Variants in TUBA1C observed in about 807,000 individuals in gnomAD.
TUBA1C encodes the protein tubulin alpha-1C chain.
Under a neutral mutation model 34.9 loss-of-function variants are expected in TUBA1C, and 16 were observed. The ratio of observed to expected loss-of-function variants is 0.46; its 90% CI spans 0.31 to 0.70. TUBA1C has a LOEUF of 0.70. TUBA1C is among the 30% of genes least tolerant of loss of function. TUBA1C has a pLI of 0.05. For synonymous variants in TUBA1C, 177 were observed against 215.9 expected (o/e 0.82, Z 1.58); for missense variants, 329 against 587.3 (o/e 0.56, Z 4.55).
chr12:49,237,155 C>T (rs1281638321), intron 1 of TUBA1C, among the ~76,000 whole-genome samples: 1 of 152,178 alleles, frequency 6.6e-6, no homozygotes, highest in Non-Finnish European at 1.5e-5. Flanking sequence ...CATCGTGGCT[C>T]ACACCTGTAG....
intron 1 of TUBA1C, among the ~76,000 whole-genome samples, chr12:49,257,285 C>T (rs1294320314): frequency 6.6e-6 from 1 of 152,008 alleles, no homozygotes; most frequent in East Asian, 1.9e-4. Context: ...GGGCAGTTCC[C>T]AAAGCCAGGC....
intron 1 of TUBA1C, among the ~76,000 whole-genome samples, chr12:49,237,139 G>A (rs1301712266): frequency 6.6e-6 from 1 of 152,142 alleles, no homozygotes; most frequent in Non-Finnish European, 1.5e-5. Flanking sequence ...AAAAATCCGG[G>A]CCAGGCATCG....
At chr12:49,235,941 A>G (rs1313148753) in intron 1 of TUBA1C, among the ~76,000 whole-genome samples, 1 of 152,168 alleles carries the variant, frequency 6.6e-6, no homozygotes, top group African/African-American at 2.4e-5. Flanking sequence ...AACTAAAACT[A>G]TGCTTTCCAT....
chr12:49,269,480 A>G lies in TUBA1C; in HGVS notation c.19A>G (p.Ile7Val), dbSNP rs761976722. The G allele has an allele frequency of 2.1e-5, 34 of 1,614,106 alleles. No individual in the cohort carries two copies. In the South Asian group the frequency reaches 2.2e-4, roughly 10 times the overall value. The change falls in exon 2 of 4, where the codon ATC (isoleucine) becomes GTC (valine). Residue 7 changes from isoleucine (I) to valine (V), a missense_variant. By Grantham distance (29) the Ile-to-Val change is conservative (BLOSUM62 3). Coordinates refer to ENST00000301072, the MANE Select transcript of TUBA1C (RefSeq NM_032704.5). Reference protein sequence around the residue: MRECISIHVGQAGVQIG... With the variant: MRECISVHVGQAGVQIG... ...CCTCCCACAGCGTGAGTGCATCTCCATCCACGTTGGCCAGGCTGGTGTCCA... is the reference window on the plus strand; with the variant it reads ...CCTCCCACAGCGTGAGTGCATCTCCGTCCACGTTGGCCAGGCTGGTGTCCA...
rs545508081 is a variant in TUBA1C, at chr12:49,248,083, T to C, written c.213+19917T>C. On this transcript the variant is annotated intron_variant, in intron 1 of 3. Transcript: ENST00000541364. ...CGAGGTCAGGAGATCGAGACCATCC[T>C]GGCCAACATGGTGAAACCCCATCTC... is the stretch of plus-strand genomic sequence containing the variant. 1.1e-4 allele frequency among the ~76,000 whole-genome samples: 17 copies of C among 151,344 alleles called. No homozygotes were observed. In the East Asian group the frequency reaches 3.1e-3, roughly 28 times the overall value.
chr12:49,250,382 G>A (rs535227920), intron 1 of TUBA1C, among the ~76,000 whole-genome samples: 2 of 151,844 alleles, frequency 1.3e-5, no homozygotes, highest in African/African-American at 4.8e-5. Context: ...AAATTAGTCG[G>A]GCATGGTGGC....
upstream of TUBA1C, among the ~76,000 whole-genome samples, chr12:49,261,087 G>A (rs1942836124): frequency 6.6e-6 from 1 of 152,132 alleles, no homozygotes; most frequent in Non-Finnish European, 1.5e-5. Flanking sequence ...AGGGGCTCAT[G>A]CCTGTAATCC....
chr12:49,274,252 G>A lies in TUBA1C; in HGVS notation c.*1025G>A, dbSNP rs1461199220. The A allele has an allele frequency of 1.3e-5, 2 of 149,292 alleles. No individual in the cohort carries two copies. The highest frequency in any genetic ancestry group is 6.7e-5 in the Admixed American group (1 of 14,954). 9.2% of individuals were successfully genotyped at this position (149,292 alleles called of 1,614,324 possible). On this transcript the variant is annotated 3_prime_UTR_variant, in exon 4 of 4. Transcript: ENST00000301072. ...AGCCTCCCAAGTAGCCAGGACTACAGGTGTGTTCCACCATGCCTGGCTGAT... is the reference window on the plus strand; with the variant it reads ...AGCCTCCCAAGTAGCCAGGACTACAAGTGTGTTCCACCATGCCTGGCTGAT...
upstream of TUBA1C, chr12:49,264,590 A>G (rs1317728058): frequency 6.6e-6 from 1 of 151,988 alleles, no homozygotes; most frequent in Admixed American, 6.5e-5. Flanking sequence ...AGCCGCGGGG[A>G]CCGGGGGCGA....
At chr12:49,265,000 C>A (rs986704413), upstream of TUBA1C, 1 of 856,906 alleles carries the variant, frequency 1.2e-6, no homozygotes, top group Non-Finnish European at 1.6e-6. Context: ...CGCAGCGGCA[C>A]GGGGCGGGGT....
chr12:49,269,843 G>A lies in TUBA1C; in HGVS notation c.242G>A (p.Gly81Asp), dbSNP rs1479463024. ...TGTTCTCCAGATGAAGTTCGCACTG[G>A]CACTTACCGCCAGCTCTTCCACCCT... The part of the protein sequence containing the change: ...EPTVIDEVRT[G>D]TYRQLFHPEQ... The change falls in exon 3 of 4, where the codon GGC (glycine) becomes GAC (aspartate). Residue 81 changes from glycine (G) to aspartate (D), a missense_variant. Gly to Asp is a moderately conservative substitution (Grantham distance 94). This residue lies in a region of TUBA1C where 152 missense variants were observed against 240.3 expected (regional missense o/e 0.63). Coordinates refer to ENST00000301072, the MANE Select transcript of TUBA1C (RefSeq NM_032704.5). 5 of 1,613,534 alleles carry A rather than the reference G, an allele frequency of 3.1e-6. No homozygotes were observed. Among genetic ancestry groups the A allele is most frequent in the Non-Finnish European group, 4.2e-6 (5 of 1,180,010 alleles).
At chr12:49,230,251 G>A (rs969506116) in intron 1 of TUBA1C, among the ~76,000 whole-genome samples, 1 of 152,084 alleles carries the variant, frequency 6.6e-6, no homozygotes, top group African/African-American at 2.4e-5. Context: ...TGGTTTAATG[G>A]CATACAAGTC....
At chr12:49,250,459 G>C (rs1287790562) in intron 1 of TUBA1C, among the ~76,000 whole-genome samples, 1 of 150,400 alleles carries the variant, frequency 6.6e-6, no homozygotes, top group Non-Finnish European at 1.5e-5. Context: ...GGGAGGCGGA[G>C]CTTGCAGTGA....
chr12:49,241,202 C>T (rs1376896098), intron 1 of TUBA1C, among the ~76,000 whole-genome samples: 3 of 151,906 alleles, frequency 2.0e-5, no homozygotes, highest in Non-Finnish European at 4.4e-5. Context: ...ATGCCTGGTC[C>T]CATCTTAGCT....
intron 1 of TUBA1C, among the ~76,000 whole-genome samples, chr12:49,235,427 G>C (rs1341773984): frequency 6.6e-6 from 1 of 152,020 alleles, no homozygotes; most frequent in Non-Finnish European, 1.5e-5. Flanking sequence ...GTCCAGGAGA[G>C]ACTCGCTGGC....
chr12:49,269,056 G>A (rs1043394114), intron 1 of TUBA1C, among the ~76,000 whole-genome samples: 10 of 152,134 alleles, frequency 6.6e-5, no homozygotes, highest in African/African-American at 2.4e-4. Context: ...GTGGCCTGCT[G>A]AAAGATGGTT....
chr12:49,250,002 G>A (rs1942716129), intron 1 of TUBA1C, among the ~76,000 whole-genome samples: 1 of 151,584 alleles, frequency 6.6e-6, no homozygotes, highest in African/African-American at 2.4e-5. Context: ...TTTGAGACCA[G>A]CCTGGCCCAA....
chr12:49,271,805 A>AC (rs1299473606), intron 3 of TUBA1C, among the ~76,000 whole-genome samples: 1 of 152,206 alleles, frequency 6.6e-6, no homozygotes, highest in Non-Finnish European at 1.5e-5. Context: ...CAAGAGAACC[A>AC]GAGGCTGCCT....
At chr12:49,253,015 T>G (rs1425499775) in intron 1 of TUBA1C, among the ~76,000 whole-genome samples, 1 of 126,866 alleles carries the variant, frequency 7.9e-6, no homozygotes, top group Admixed American at 9.4e-5. Flanking sequence ...ACCCGGGAGG[T>G]GGAGGTTGCA....
Sources: allele counts gnomAD v4.1 joint callset (sites outside exome capture counted in the v4.1 genomes callset), GRCh38; gene constraint gnomAD v4.1.1; regional missense constraint gnomAD v4.1.1; transcripts MANE v1.5; gene names NCBI Gene and HGNC (gene_info 2026-07-23, HGNC 2026-07-21).